PTPRR: variants seen among roughly 807,000 people sequenced by gnomAD.
PTPRR encodes protein tyrosine phosphatase receptor type R.
In PTPRR, 38 loss-of-function variants were observed where a neutral mutation model predicts 77.2. The ratio of observed to expected loss-of-function variants is 0.49; its 90% CI spans 0.38 to 0.65. The LOEUF (loss-of-function observed/expected upper bound fraction) is 0.65. Among genes scored for constraint, PTPRR ranks in the 30% least tolerant of loss-of-function variants. PTPRR has a pLI of 0.00. For synonymous variants in PTPRR, 299 were observed against 283.1 expected, an observed-to-expected ratio of 1.06 and a Z score of -0.57; for missense variants, 744 against 799.2, an observed-to-expected ratio of 0.93 and a Z score of 0.83.
At chr12:70,743,041 T>C (rs1351271996) in intron 6 of PTPRR, among the ~76,000 whole-genome samples, 1 of 152,138 alleles carries the variant, frequency 6.6e-6, no homozygotes, top group Admixed American at 6.5e-5. Context: ...TAGATTGAGC[T>C]AAAGGTACTT....
intron 11 of PTPRR, among the ~76,000 whole-genome samples, chr12:70,661,483 A>G (rs1886799414): frequency 6.6e-6 from 1 of 152,228 alleles, no homozygotes; most frequent in Non-Finnish European, 1.5e-5. Flanking sequence ...AAGTTATTAT[A>G]AACATGTTAA....
At chr12:70,691,634 T>C (rs1161874782) in intron 8 of PTPRR, among the ~76,000 whole-genome samples, 3 of 152,214 alleles carry the variant, frequency 2.0e-5, no homozygotes, top group African/African-American at 7.2e-5. Context: ...AAACTCCTCA[T>C]GCCCTTCATG....
chr12:70,889,019 G>C (rs750029291), intron 2 of PTPRR, among the ~76,000 whole-genome samples: 1 of 152,178 alleles, frequency 6.6e-6, no homozygotes, highest in Non-Finnish European at 1.5e-5. Flanking sequence ...GTTAAATGCT[G>C]ATTGAACCAT....
chr12:70,688,547 T>G (rs1014276158), intron 8 of PTPRR, among the ~76,000 whole-genome samples: 20 of 152,132 alleles, frequency 1.3e-4, no homozygotes, highest in African/African-American at 4.8e-4. Context: ...AGATAAATGT[T>G]GGCAAGGTTG....
Position 70,852,556 on chromosome 12 carries a change from C to G in PTPRR, c.357+40123G>C, listed in dbSNP as rs141175469. 4.6e-3 allele frequency among the ~76,000 whole-genome samples: 694 copies of G among 152,240 alleles called. 2 individuals carry two copies. Among genetic ancestry groups the G allele is most frequent in the Non-Finnish European group, 6.9e-3 (471 of 68,020 alleles). On this transcript the variant is annotated intron_variant, in intron 2 of 13. Transcript: ENST00000283228. ...CAATCGAATCCCTTCTCAGGAGAGGCTGATTCTCTACTGATGTTAAGCTAA... is the reference window on the plus strand; with the variant it reads ...CAATCGAATCCCTTCTCAGGAGAGGGTGATTCTCTACTGATGTTAAGCTAA...
intron 2 of PTPRR, among the ~76,000 whole-genome samples, chr12:70,879,551 G>A (rs1039318137): frequency 1.3e-5 from 2 of 152,204 alleles, no homozygotes; most frequent in Non-Finnish European, 2.9e-5. Flanking sequence ...CATTAGGAAG[G>A]AGAATTGGTC....
At chr12:70,804,432 A>T (rs1171890822) in intron 2 of PTPRR, among the ~76,000 whole-genome samples, 2 of 151,794 alleles carry the variant, frequency 1.3e-5, no homozygotes, top group African/African-American at 4.8e-5. Context: ...GGTGATATAC[A>T]CCTGTAGTCC....
chr12:70,757,163 T>C (rs1017623091), intron 4 of PTPRR, among the ~76,000 whole-genome samples: 1 of 152,220 alleles, frequency 6.6e-6, no homozygotes, highest in Non-Finnish European at 1.5e-5. Context: ...GGAATAATCA[T>C]TAAACTCACA....
At chr12:70,892,229 C>A (rs992858764) in intron 2 of PTPRR, among the ~76,000 whole-genome samples, 8 of 152,004 alleles carry the variant, frequency 5.3e-5, no homozygotes, top group Non-Finnish European at 2.9e-5. Flanking sequence ...TCTACCACAC[C>A]TCCCCTTTCA....
chr12:70,660,903 G>T, intron 12 of PTPRR, 37 bp downstream of exon 12: 1 of 1,568,480 alleles, frequency 6.4e-7, no homozygotes, highest in Non-Finnish European at 8.6e-7. Flanking sequence ...CAAAGAATGG[G>T]CCATTGCTTA....
At chr12:70,768,542 A>G (rs1017201139) in intron 2 of PTPRR, among the ~76,000 whole-genome samples, 3 of 152,248 alleles carry the variant, frequency 2.0e-5, no homozygotes, top group African/African-American at 7.2e-5. Flanking sequence ...AAAAGAGTCC[A>G]GGACCAGATG....
chr12:70,897,315 A>AC (rs1893447268), intron 1 of PTPRR, among the ~76,000 whole-genome samples: 1 of 151,972 alleles, frequency 6.6e-6, no homozygotes, highest in African/African-American at 2.4e-5. Flanking sequence ...AAGAAAAAAA[A>AC]CAAACAACCC....
At chr12:70,837,533 A>G (rs1892325382) in intron 2 of PTPRR, among the ~76,000 whole-genome samples, 1 of 152,100 alleles carries the variant, frequency 6.6e-6, no homozygotes. Context: ...AGCTCTCGGA[A>G]CTCAGGGAAA....
intron 2 of PTPRR, among the ~76,000 whole-genome samples, chr12:70,769,008 C>T (rs1261743544): frequency 6.9e-6 from 1 of 145,326 alleles, no homozygotes; most frequent in East Asian, 1.9e-4. Context: ...TGGGACATAT[C>T]TCAAAATAAT....
chr12:70,757,270 A>C (rs1414352130), intron 4 of PTPRR, among the ~76,000 whole-genome samples: 2 of 152,210 alleles, frequency 1.3e-5, no homozygotes, highest in Non-Finnish European at 2.9e-5. Flanking sequence ...AAAGAAGGTC[A>C]CTTTCTCCTT....
chr12:70,750,750 C>T (rs1890364270), intron 5 of PTPRR, among the ~76,000 whole-genome samples: 1 of 152,064 alleles, frequency 6.6e-6, no homozygotes, highest in South Asian at 2.1e-4. Context: ...ATATATTTTT[C>T]AGAGGCAGAG....
At chr12:70,856,841 G>A (rs564350741) in intron 2 of PTPRR, among the ~76,000 whole-genome samples, 5 of 151,292 alleles carry the variant, frequency 3.3e-5, no homozygotes, top group African/African-American at 1.2e-4. Context: ...GAGTGGGGGA[G>A]AGAGGGGGAG....
At chr12:70,808,314 C>G (rs1208485605) in intron 2 of PTPRR, among the ~76,000 whole-genome samples, 1 of 151,988 alleles carries the variant, frequency 6.6e-6, no homozygotes, top group Non-Finnish European at 1.5e-5. Context: ...TTCTAGTTGC[C>G]CTGAACTTGT....
intron 2 of PTPRR, among the ~76,000 whole-genome samples, chr12:70,878,122 T>C (rs1255373524): frequency 6.6e-6 from 1 of 152,136 alleles, no homozygotes; most frequent in East Asian, 1.9e-4. Context: ...AAGACTTACA[T>C]GTTAGACCTA....
Sources: gnomAD v4.1 joint callset for allele counts (sites outside exome capture counted in the v4.1 genomes callset) on GRCh38, gnomAD v4.1.1 for gene constraint, MANE v1.5 for transcripts, NCBI Gene and HGNC (gene_info 2026-07-23, HGNC 2026-07-21) for gene names.